The following RAD51B variants were observed in gnomAD, a reference collection of about 807,000 sequenced individuals.
RAD51B encodes the protein RAD51 paralog B.
RAD51B carries 38 observed loss-of-function variants against 42.2 expected under a neutral mutation model. The ratio of observed to expected loss-of-function variants is 0.90; its 90% confidence interval spans 0.70 to 1.18. The LOEUF (loss-of-function observed/expected upper bound fraction) is 1.18. Ranked by LOEUF, RAD51B falls within the 50% of genes most tolerant of loss-of-function variation. RAD51B has a pLI of 0.00. For synonymous variants in RAD51B, 154 were observed against 145.2 expected (o/e 1.06, Z -0.43); for missense variants, 373 against 400.7 (o/e 0.93, Z 0.59).
intron 10 of RAD51B, among the ~76,000 whole-genome samples, chr14:68,544,354 G>A (rs528017909): frequency 1.1e-3 from 173 of 152,328 alleles, no homozygotes; most frequent in African/African-American, 4.0e-3. Context: ...CCTCTGCTCT[G>A]TATTCCTTGG....
intron 7 of RAD51B, among the ~76,000 whole-genome samples, chr14:68,016,229 A>G (rs886746592): frequency 3.9e-5 from 6 of 152,184 alleles, no homozygotes; most frequent in Admixed American, 3.9e-4. Flanking sequence ...GCAGTTTGAG[A>G]GTAAAATAAA....
At chr14:67,917,188 G>C (rs2044178944) in intron 7 of RAD51B, among the ~76,000 whole-genome samples, 1 of 152,212 alleles carries the variant, frequency 6.6e-6, no homozygotes, top group African/African-American at 2.4e-5. Context: ...TTCTTAGGCT[G>C]TTCTTGCGTT....
chr14:68,115,120 CA>C (rs2140601852), intron 7 of RAD51B, among the ~76,000 whole-genome samples: 1 of 138,014 alleles, frequency 7.2e-6, no homozygotes, highest in African/African-American at 3.4e-5. Context: ...GCATTATTCA[CA>C]ATAGCAAAGA....
At chr14:68,085,377 G>A (rs896974086) in intron 7 of RAD51B, among the ~76,000 whole-genome samples, 2 of 152,160 alleles carry the variant, frequency 1.3e-5, no homozygotes, top group African/African-American at 4.8e-5. Flanking sequence ...AATGCATAGA[G>A]AAGAGGGCCT....
chr14:68,328,914 G>C (rs1397665898), intron 8 of RAD51B, among the ~76,000 whole-genome samples: 1 of 152,174 alleles, frequency 6.6e-6, no homozygotes, highest in Non-Finnish European at 1.5e-5. Flanking sequence ...ATCATCATTT[G>C]ACCACTCAAG....
chr14:68,594,390 G>A, intron 10 of RAD51B: 1 of 1,203,606 alleles, frequency 8.3e-7, no homozygotes, highest in African/African-American at 1.6e-5. Flanking sequence ...TCTCCATCAG[G>A]TCTTCCTCAA....
At chr14:68,633,528 C>T (rs1473075378) in intron 10 of RAD51B, among the ~76,000 whole-genome samples, 3 of 152,196 alleles carry the variant, frequency 2.0e-5, no homozygotes, top group Admixed American at 2.0e-4. Flanking sequence ...ACATCCTGAC[C>T]GTGAGAGTGC....
chr14:67,831,267 A>T (rs2041035419), intron 3 of RAD51B, among the ~76,000 whole-genome samples: 2 of 152,216 alleles, frequency 1.3e-5, no homozygotes, highest in South Asian at 4.1e-4. Flanking sequence ...AAGGCGAGGC[A>T]TGCACGTGGG....
intron 4 of RAD51B, among the ~76,000 whole-genome samples, chr14:67,851,207 G>C (rs990210651): frequency 6.6e-6 from 1 of 152,124 alleles, no homozygotes; most frequent in Non-Finnish European, 1.5e-5. Context: ...AGGGAGATCT[G>C]TAAGTCCCTA....
At chr14:68,350,499 A>T (rs1316770753) in intron 8 of RAD51B, among the ~76,000 whole-genome samples, 2 of 152,222 alleles carry the variant, frequency 1.3e-5, no homozygotes, top group African/African-American at 4.8e-5. Context: ...ACAGTCAGAA[A>T]ATTGCTGGTG....
At chr14:68,148,750 T>G in intron 7 of RAD51B, among the ~76,000 whole-genome samples, 1 of 152,234 alleles carries the variant, frequency 6.6e-6, no homozygotes, top group South Asian at 2.1e-4. Flanking sequence ...CAGTGTACTC[T>G]TCAATAAATT....
chr14:68,043,842 G>C (rs1461533900), intron 7 of RAD51B, among the ~76,000 whole-genome samples: 1 of 152,168 alleles, frequency 6.6e-6, no homozygotes, highest in African/African-American at 2.4e-5. Context: ...TGCCAAAGAT[G>C]GCAAAACCCC....
At chr14:68,146,931 G>A (rs1386771968) in intron 7 of RAD51B, among the ~76,000 whole-genome samples, 1 of 152,134 alleles carries the variant, frequency 6.6e-6, no homozygotes, top group Non-Finnish European at 1.5e-5. Context: ...ATTCTGGAGG[G>A]ATATTGGATA....
chr14:67,954,223 C>T (rs2074505853), intron 7 of RAD51B, among the ~76,000 whole-genome samples: 1 of 152,156 alleles, frequency 6.6e-6, no homozygotes, highest in Non-Finnish European at 1.5e-5. Context: ...TATGAGGGAT[C>T]AGAGGCTTAC....
intron 7 of RAD51B, among the ~76,000 whole-genome samples, chr14:67,948,653 C>T (rs1048750880): frequency 5.9e-5 from 9 of 151,730 alleles, no homozygotes; most frequent in African/African-American, 1.5e-4. Flanking sequence ...ATATATAGGC[C>T]GGGCACGGTG....
chr14:68,286,880 C>T (rs2081423983), intron 7 of RAD51B, among the ~76,000 whole-genome samples: 1 of 152,188 alleles, frequency 6.6e-6, no homozygotes, highest in Non-Finnish European at 1.5e-5. Context: ...TTGGCTCAAT[C>T]CTCTGACTAA....
intron 8 of RAD51B, among the ~76,000 whole-genome samples, chr14:68,373,879 T>C (rs2083310362): frequency 1.3e-5 from 2 of 152,218 alleles, no homozygotes; most frequent in South Asian, 4.1e-4. Flanking sequence ...ATGTAGTCAG[T>C]GATAATAATA....
intron 8 of RAD51B, among the ~76,000 whole-genome samples, chr14:68,343,549 C>G (rs951705397): frequency 7.2e-5 from 11 of 152,184 alleles, no homozygotes; most frequent in African/African-American, 2.7e-4. Flanking sequence ...GGATAATTTG[C>G]AGCCTGGCTA....
At position 68,385,039 on chromosome 14, in the gene RAD51B, C is replaced by G. The variant is rs115849242; in HGVS notation, c.854-26385C>G. On this transcript the variant is annotated intron_variant, in intron 8 of 10. Coordinates refer to ENST00000471583, the MANE Select transcript of RAD51B (RefSeq NM_133510.4). Reference sequence around the variant, plus strand: ...GAAGTGCATTGCAAACAGAGATGGGCGAGTTAAGTTACTCAATTGCCATCT... The same window carrying G: ...GAAGTGCATTGCAAACAGAGATGGGGGAGTTAAGTTACTCAATTGCCATCT... Among the ~76,000 whole-genome samples, 923 of 152,132 alleles carry G rather than the reference C, an allele frequency of 6.1e-3. 14 individuals are homozygous for G. The highest frequency in any genetic ancestry group is 0.021 in the African/African-American group (882 of 41,496).
Sources: allele counts gnomAD v4.1 joint callset (sites outside exome capture counted in the v4.1 genomes callset), GRCh38; gene constraint gnomAD v4.1.1; transcripts MANE v1.5; gene names NCBI Gene and HGNC (gene_info 2026-07-23, HGNC 2026-07-21).